Variants in ULK4 observed in about 807,000 individuals in gnomAD.
The protein encoded by ULK4 is unc-51 like kinase 4, also known as inactive serine/threonine-protein kinase ULK4.
ULK4 carries 133 observed loss-of-function variants against 160.6 expected under a neutral mutation model. That is an observed-to-expected ratio of 0.83 (90% CI 0.72 to 0.96). ULK4 has a LOEUF of 0.96. Ranked by LOEUF, ULK4 falls within the 40% of genes least tolerant of loss-of-function variation. The pLI is 0.00. For synonymous variants in ULK4, 534 were observed against 539.8 expected (o/e 0.99, Z 0.15); for missense variants, 1,580 against 1,499.5 (o/e 1.05, Z -0.89).
intron 17 of ULK4, among the ~76,000 whole-genome samples, chr3:41,836,340 T>C (rs1260945142): frequency 6.6e-6 from 1 of 152,134 alleles, no homozygotes; most frequent in Non-Finnish European, 1.5e-5. Context: ...GTCCGGCTAA[T>C]TTTTGTATTC....
chr3:41,856,620 T>C lies in ULK4; in HGVS notation c.1657-20649A>G, dbSNP rs567980063. On this transcript the variant is annotated intron_variant, in intron 17 of 36. Transcript: ENST00000301831. The stretch of plus-strand genomic sequence containing the variant: ...ATATATATGTGTATATATATACACA[T>C]ATATATATATGTATATATATGTAAG... Among the ~76,000 whole-genome samples the C allele has an allele frequency of 1.7e-4, 20 of 120,206 alleles. 1 individual carries two copies. Among genetic ancestry groups the C allele is most frequent in the South Asian group, 1.3e-3 (5 of 3,830 alleles). 78.9% of individuals were successfully genotyped at this position (120,206 alleles called of 152,430 possible).
intron 18 of ULK4, among the ~76,000 whole-genome samples, chr3:41,823,017 C>T (rs547737024): frequency 1.4e-5 from 2 of 139,270 alleles, no homozygotes; most frequent in South Asian, 4.3e-4. Context: ...CCACCACGCC[C>T]GGCCGAGATT....
intron 17 of ULK4, among the ~76,000 whole-genome samples, chr3:41,837,172 C>T (rs1414161626): frequency 6.6e-6 from 1 of 152,184 alleles, no homozygotes; most frequent in Admixed American, 6.5e-5. Flanking sequence ...GGTGGGACAG[C>T]TGCACAGTAG....
chr3:41,847,333 G>A (rs1052552542), intron 17 of ULK4, among the ~76,000 whole-genome samples: 8 of 152,152 alleles, frequency 5.3e-5, no homozygotes, highest in African/African-American at 1.9e-4. Context: ...GCTTGCTCTT[G>A]ACTCTCAAAA....
chr3:41,931,611 G>A (rs1211627874), intron 5 of ULK4: 4 of 437,022 alleles, frequency 9.2e-6, no homozygotes, highest in Non-Finnish European at 1.6e-5. Flanking sequence ...ATAAAGCTGA[G>A]GACGAAATAC....
At chr3:41,318,169 C>T in intron 35 of ULK4, among the ~76,000 whole-genome samples, 1 of 152,006 alleles carries the variant, frequency 6.6e-6, no homozygotes, top group Non-Finnish European at 1.5e-5. Flanking sequence ...AAATGACTTT[C>T]CTCAGTTCTT....
intron 34 of ULK4, among the ~76,000 whole-genome samples, chr3:41,424,289 G>T (rs778454386): frequency 3.3e-5 from 5 of 152,154 alleles, no homozygotes; most frequent in Non-Finnish European, 7.4e-5. Flanking sequence ...TGAGCCCCTG[G>T]GGGGAGGGGC....
At chr3:41,415,001 A>C (rs2082493105) in intron 34 of ULK4, among the ~76,000 whole-genome samples, 1 of 152,178 alleles carries the variant, frequency 6.6e-6, no homozygotes, top group Admixed American at 6.5e-5. Flanking sequence ...AAATGTAAAA[A>C]CAAGTTGAAA....
intron 21 of ULK4, among the ~76,000 whole-genome samples, chr3:41,771,043 C>T (rs1031606914): frequency 4.6e-5 from 7 of 152,102 alleles, no homozygotes; most frequent in Non-Finnish European, 7.4e-5. Context: ...AGAATTAAAA[C>T]GGACATATTT....
chr3:41,907,023 A>G (rs1221121690), intron 12 of ULK4, among the ~76,000 whole-genome samples: 1 of 152,192 alleles, frequency 6.6e-6, no homozygotes, highest in South Asian at 2.1e-4. Flanking sequence ...CATAACATAT[A>G]CTAAGTGGAA....
chr3:41,925,089 A>G (rs2148817051), intron 5 of ULK4, among the ~76,000 whole-genome samples: 1 of 152,286 alleles, frequency 6.6e-6, no homozygotes, highest in Non-Finnish European at 1.5e-5. Context: ...TACACCCTAG[A>G]AATTTGCTTT....
intron 30 of ULK4, among the ~76,000 whole-genome samples, chr3:41,621,330 A>T (rs143719882): frequency 0.13 from 20,545 of 152,208 alleles, 1,869 homozygotes; most frequent in Middle Eastern, 0.21. Flanking sequence ...AAAAAGAACA[A>T]AGCTGGAGGC....
At chr3:41,802,709 T>A (rs2040498431) in intron 19 of ULK4, among the ~76,000 whole-genome samples, 1 of 152,172 alleles carries the variant, frequency 6.6e-6, no homozygotes, top group African/African-American at 2.4e-5. Flanking sequence ...AATACTAGAT[T>A]ATTCTGGTGT....
At chr3:41,803,495 A>G (rs1225514511) in intron 19 of ULK4, among the ~76,000 whole-genome samples, 1 of 152,038 alleles carries the variant, frequency 6.6e-6, no homozygotes, top group Admixed American at 6.6e-5. Context: ...TATTATTATT[A>G]TTATTATACT....
intron 29 of ULK4, among the ~76,000 whole-genome samples, chr3:41,672,069 A>G (rs990685051): frequency 4.6e-5 from 7 of 152,196 alleles, no homozygotes; most frequent in African/African-American, 1.7e-4. Context: ...AAGATGAAAA[A>G]TAAGAGATGT....
In ULK4 at chr3:41,802,560, G is replaced by A. The variant is rs192231226; in HGVS notation, c.1849-2267C>T. Among the ~76,000 whole-genome samples, 77 of 152,184 alleles carry A rather than the reference G, an allele frequency of 5.1e-4. No individual in the cohort carries two copies. The Middle Eastern group carries it at 0.017, about 34-fold the overall frequency. ...GGAATCCTCCTGCCTTGGCCTCCCAGAGTGCTGCGATTACAAGCATGAGCT... is the reference window on the plus strand; with the variant it reads ...GGAATCCTCCTGCCTTGGCCTCCCAAAGTGCTGCGATTACAAGCATGAGCT... On this transcript the variant is annotated intron_variant, in intron 19 of 36. Transcript: ENST00000301831.
chr3:41,824,015 T>C, intron 18 of ULK4, among the ~76,000 whole-genome samples: 1 of 151,908 alleles, frequency 6.6e-6, no homozygotes, highest in Admixed American at 6.6e-5. Context: ...ATACAAAAAT[T>C]AGCCAGGTGT....
intron 31 of ULK4, among the ~76,000 whole-genome samples, chr3:41,581,849 C>T (rs950357359): frequency 1.3e-5 from 2 of 152,194 alleles, no homozygotes; most frequent in African/African-American, 4.8e-5. Flanking sequence ...AACCAGCAGA[C>T]TCGGAGAGGT....
intron 11 of ULK4, 74 bp downstream of exon 11, chr3:41,911,243 C>T: frequency 2.8e-6 from 4 of 1,425,454 alleles, no homozygotes; most frequent in Non-Finnish European, 3.9e-6. Context: ...ACAAAGTTTG[C>T]ACCAAGATAG....
Sources: gnomAD v4.1 joint callset for allele counts (sites outside exome capture counted in the v4.1 genomes callset) on GRCh38, gnomAD v4.1.1 for gene constraint, MANE v1.5 for transcripts, NCBI Gene and HGNC (gene_info 2026-07-23, HGNC 2026-07-21) for gene names.